The following CDK5RAP2 variants were observed in gnomAD, a reference collection of about 807,000 sequenced individuals.
The protein encoded by CDK5RAP2 is CDK5 regulatory subunit associated protein 2, also known as CDK5 regulatory subunit-associated protein 2.
CDK5RAP2 carries 147 observed loss-of-function variants against 232.9 expected under a neutral mutation model. The observed-to-expected ratio is 0.63, with a 90% CI of 0.55 to 0.72. The LOEUF (loss-of-function observed/expected upper bound fraction) is 0.72, where lower values mean the gene tolerates loss of function less well. Among genes scored for constraint, CDK5RAP2 ranks in the 30% least tolerant of loss-of-function variants. The pLI is 0.00. For missense variants in CDK5RAP2, 2,195 were observed against 2,231.5 expected, an observed-to-expected ratio of 0.98 and a Z score of 0.33; for synonymous variants, 833 against 833.7, an observed-to-expected ratio of 1.00 and a Z score of 0.01.
At chr9:120,394,177 G>A (rs1047285316) in intron 36 of CDK5RAP2, among the ~76,000 whole-genome samples, 1 of 152,138 alleles carries the variant, frequency 6.6e-6, no homozygotes, top group African/African-American at 2.4e-5. Flanking sequence ...CAGCGAGGTG[G>A]TCACTTTGTC....
At chr9:120,441,236 G>A (rs781492525) in intron 23 of CDK5RAP2, among the ~76,000 whole-genome samples, 2 of 152,274 alleles carry the variant, frequency 1.3e-5, no homozygotes, top group South Asian at 2.1e-4. Context: ...AAGGGGCAGC[G>A]GAATGTAGTA....
chr9:120,414,525 T>C (rs2034088158), intron 28 of CDK5RAP2, among the ~76,000 whole-genome samples: 1 of 152,064 alleles, frequency 6.6e-6, no homozygotes, highest in African/African-American at 2.4e-5. Flanking sequence ...AAAAACACTG[T>C]TAAGGATACA....
intron 20 of CDK5RAP2, among the ~76,000 whole-genome samples, chr9:120,457,259 C>T (rs891489309): frequency 1.3e-5 from 2 of 152,154 alleles, no homozygotes; most frequent in Admixed American, 6.5e-5. Flanking sequence ...GAAATGCTTC[C>T]GTTGCCAGAA....
At chr9:120,445,190 A>G (rs1406594950) in intron 22 of CDK5RAP2, among the ~76,000 whole-genome samples, 4 of 152,156 alleles carry the variant, frequency 2.6e-5, no homozygotes, top group African/African-American at 9.7e-5. Context: ...AGTTGTGGTC[A>G]TTTCTTTCCC....
chr9:120,411,118 C>T (rs921541261), intron 29 of CDK5RAP2, among the ~76,000 whole-genome samples: 1 of 152,252 alleles, frequency 6.6e-6, no homozygotes, highest in Non-Finnish European at 1.5e-5. Context: ...GTGCTGAGAG[C>T]TTTACACCGT....
intron 24 of CDK5RAP2, 90 bp downstream of exon 24, chr9:120,439,309 A>T (rs936842121): frequency 9.5e-7 from 1 of 1,058,088 alleles, no homozygotes; most frequent in East Asian, 2.4e-5. Flanking sequence ...ATCACAGAGT[A>T]GTGTTCTCTT....
chr9:120,521,975 C>T (rs536907753), intron 11 of CDK5RAP2, among the ~76,000 whole-genome samples: 5 of 152,204 alleles, frequency 3.3e-5, no homozygotes, highest in Middle Eastern at 3.4e-3. Context: ...TTCCCAGTCT[C>T]GGGTATGTCT....
chr9:120,409,684 G>A (rs773946356), intron 29 of CDK5RAP2, among the ~76,000 whole-genome samples: 3 of 152,278 alleles, frequency 2.0e-5, no homozygotes, highest in Admixed American at 6.5e-5. Context: ...AGCACCAGGA[G>A]GCCGGCAGGG....
intron 1 of CDK5RAP2, 23 bp downstream of exon 1, chr9:120,579,897 G>A (rs2043179026): frequency 1.2e-6 from 2 of 1,603,320 alleles, no homozygotes; most frequent in Non-Finnish European, 1.7e-6. Context: ...CGGTTACCAC[G>A]ACCACCAATG....
At chr9:120,471,612 T>C (rs2037707549) in intron 16 of CDK5RAP2, 136 bp downstream of exon 16, 3 of 1,241,926 alleles carry the variant, frequency 2.4e-6, no homozygotes, top group Non-Finnish European at 3.5e-6. Context: ...ATCAGCATGG[T>C]CACCACAAAA....
At chr9:120,436,750 T>A (rs2035604208) in intron 25 of CDK5RAP2, among the ~76,000 whole-genome samples, 1 of 151,958 alleles carries the variant, frequency 6.6e-6, no homozygotes, top group Non-Finnish European at 1.5e-5. Context: ...TAAATGGGAG[T>A]TCTTTGCTGT....
intron 19 of CDK5RAP2, 89 bp from the exon 20 acceptor site, chr9:120,458,711 G>GT (rs2036923272): frequency 1.6e-6 from 2 of 1,236,192 alleles, no homozygotes; most frequent in Admixed American, 1.7e-5. Context: ...GGGTAAGTGA[G>GT]TAAGTGAAAA....
chr9:120,572,967 C>T (rs573963040), intron 1 of CDK5RAP2, among the ~76,000 whole-genome samples: 59 of 152,324 alleles, frequency 3.9e-4, no homozygotes, highest in African/African-American at 1.3e-3. Flanking sequence ...ACTGTCCTAG[C>T]CAGGGTCACA....
chr9:120,525,856 G>A (rs1245231798), intron 10 of CDK5RAP2, among the ~76,000 whole-genome samples: 6 of 152,122 alleles, frequency 3.9e-5, no homozygotes, highest in Non-Finnish European at 5.9e-5. Flanking sequence ...GGCCTCAAGC[G>A]ATCCTCCGAC....
At chr9:120,573,178 A>C (rs1249354728) in intron 1 of CDK5RAP2, among the ~76,000 whole-genome samples, 2 of 152,216 alleles carry the variant, frequency 1.3e-5, no homozygotes, top group Non-Finnish European at 2.9e-5. Context: ...TTGGAGTTGG[A>C]ATGTACCTTC....
intron 3 of CDK5RAP2, among the ~76,000 whole-genome samples, chr9:120,560,760 G>C (rs757464140): frequency 6.6e-6 from 1 of 152,118 alleles, no homozygotes; most frequent in Non-Finnish European, 1.5e-5. Flanking sequence ...GGGATTACAG[G>C]CACATGCCAC....
rs548782413 is a variant in CDK5RAP2 at position 120,463,933 on chromosome 9, G to T, written c.2107-3266C>A. On this transcript the variant is annotated intron_variant, in intron 18 of 37. Transcript: ENST00000349780. ...AGAAAGAACTGAGTCACTATACCTG[G>T]CTCGGCTTCCAGCCCTACCACCACT... Among the ~76,000 whole-genome samples the T allele has an allele frequency of 4.6e-5, 7 of 152,222 alleles. No individual in the cohort carries two copies. The South Asian group carries it at 1.5e-3, about 32-fold the overall frequency.
chr9:120,443,968 A>G (rs910447849), intron 22 of CDK5RAP2, among the ~76,000 whole-genome samples: 1 of 152,232 alleles, frequency 6.6e-6, no homozygotes, highest in African/African-American at 2.4e-5. Flanking sequence ...GGCTCTCAAA[A>G]AGCTGAGTGA....
chr9:120,568,019 C>A (rs911669186), intron 3 of CDK5RAP2, among the ~76,000 whole-genome samples: 1 of 152,156 alleles, frequency 6.6e-6, no homozygotes, highest in African/African-American at 2.4e-5. Context: ...GTGCAACATG[C>A]GAACATCCTC....
Sources: allele counts gnomAD v4.1 joint callset (sites outside exome capture counted in the v4.1 genomes callset), GRCh38; gene constraint gnomAD v4.1.1; transcripts MANE v1.5; gene names NCBI Gene and HGNC (gene_info 2026-07-23, HGNC 2026-07-21).